STATH: variants seen among roughly 807,000 people sequenced by gnomAD.
STATH encodes the protein statherin.
A neutral mutation model predicts 13.3 loss-of-function variants in STATH; 11 were observed. That is an observed-to-expected ratio of 0.83 (90% CI 0.52 to 1.37). STATH has a LOEUF of 1.37. Among genes scored for constraint, STATH ranks in the 40% most tolerant of loss-of-function variants. The pLI, the probability that STATH is intolerant of heterozygous loss-of-function variation, is 0.00. For synonymous variants in STATH, 25 were observed against 23.6 expected, an observed-to-expected ratio of 1.06 and a Z score of -0.17; for missense variants, 78 against 73.3, an observed-to-expected ratio of 1.06 and a Z score of -0.24.
intron 5 of STATH, 48 bp from the exon 6 acceptor site, chr4:70,002,141 G>A (rs1303136338): frequency 6.6e-6 from 1 of 151,364 alleles, no homozygotes; most frequent in Non-Finnish European, 1.5e-5. Flanking sequence ...TGTGTTTACA[G>A]GGGTAAAAAT....
chr4:69,998,479 T>C lies in STATH; in HGVS notation c.42T>C (p.Val14=), dbSNP rs1462431560. ...TTGCCTTCATCTTGGCTCTCATGGT[T>C]TCCATGATTGTAAGTATATCAGGAC... ...LVFAFILALM[V]SMIGADSSEE... is the part of the protein sequence containing the mutation. The change falls in exon 2 of 6, where the codon GTT becomes GTC. Residue 14 remains valine, a synonymous_variant. Transcript: ENST00000246895. The C allele has an allele frequency of 6.2e-7, 1 of 1,612,436 alleles. No homozygotes were observed. Among genetic ancestry groups the C allele is most frequent in the East Asian group, 2.2e-5 (1 of 44,842 alleles).
At position 70,000,997 on chromosome 4, in the gene STATH, G is replaced by A. The variant is rs1190030580; in HGVS notation, c.*33+15G>A. ...TGATTATTGAGGTAAGATGGGTTTA[G>A]TGACATTTTTTTTACTTTCTGTATC... is the stretch of plus-strand genomic sequence containing the variant. On this transcript the variant is annotated intron_variant, in intron 5 of 5. Coordinates refer to ENST00000246895, the MANE Select transcript of STATH (RefSeq NM_003154.3). 3.2e-6 allele frequency: 5 copies of A among 1,553,608 alleles called. No individual in the cohort carries two copies. Among genetic ancestry groups the A allele is most frequent in the South Asian group, 2.2e-5 (2 of 89,780 alleles).
intron 2 of STATH, among the ~76,000 whole-genome samples, 168 bp from the exon 3 acceptor site, chr4:69,999,497 CTT>C (rs1236824399): frequency 1.3e-5 from 2 of 151,842 alleles, no homozygotes; most frequent in South Asian, 2.1e-4. Context: ...AAAGCATACT[CTT>C]AACTCATTTT....
chr4:70,000,739 G>T, intron 4 of STATH, 124 bp from the exon 5 acceptor site: 1 of 706,754 alleles, frequency 1.4e-6, no homozygotes, highest in Non-Finnish European at 2.4e-6. Flanking sequence ...TGAAAGTTTG[G>T]AAAAAAATCT....
intron 4 of STATH, 93 bp from the exon 5 acceptor site, chr4:70,000,770 C>A: frequency 1.1e-6 from 1 of 930,752 alleles, no homozygotes. Flanking sequence ...ATGTAAGTTC[C>A]TAAAACTTTA....
chr4:69,999,936 C>T (rs901316232), intron 4 of STATH, 127 bp downstream of exon 4: 2 of 1,086,990 alleles, frequency 1.8e-6, no homozygotes, highest in Middle Eastern at 3.0e-4. Flanking sequence ...CTTTGTTTTC[C>T]TCTATTTATG....
chr4:69,998,240 C>T lies in STATH; in HGVS notation c.-15-183C>T, dbSNP rs116281247. On this transcript the variant is annotated intron_variant, in intron 1 of 5. Transcript: ENST00000246895. ...GCCTTAGCATTTCCATATCAATACA[C>T]TCACTTTTACTTATCAGTGTCTCCA... 484 of 551,166 alleles carry T rather than the reference C, an allele frequency of 8.8e-4. 5 individuals are homozygous for T. The highest frequency in any genetic ancestry group is 8.1e-3 in the African/African-American group (428 of 53,078). 34.1% of individuals were successfully genotyped at this position (551,166 alleles called of 1,614,324 possible).
chr4:69,998,558 T>C (rs1461481360), intron 2 of STATH, 70 bp downstream of exon 2: 1 of 1,382,358 alleles, frequency 7.2e-7, no homozygotes, highest in Non-Finnish European at 1.0e-6. Context: ...ATTCCTTGTG[T>C]TCTGGCATAT....
In STATH at chr4:70,000,896, C is replaced by A. The variant is rs1177912083; in HGVS notation, c.136C>A (p.Gln46Lys). ...GYGPYQPVPEQPLYPQPYQPQ... is the reference protein window; with the variant it reads ...GYGPYQPVPEKPLYPQPYQPQ... Reference sequence around the variant, plus strand: ...TGGCCCTTATCAGCCAGTTCCAGAACAACCACTATACCCACAACCATACCA... The same window carrying A: ...TGGCCCTTATCAGCCAGTTCCAGAAAAACCACTATACCCACAACCATACCA... The change falls in exon 5 of 6, where the codon CAA becomes AAA. Residue 46 changes from glutamine (Q) to lysine (K), a missense_variant. Coordinates refer to ENST00000246895, the MANE Select transcript of STATH (RefSeq NM_003154.3). 1.3e-5 allele frequency: 21 copies of A among 1,611,694 alleles called. No homozygotes were observed. The highest frequency in any genetic ancestry group is 1.7e-5 in the Admixed American group (1 of 59,850).
chr4:69,996,253 G>A (rs1021734247), intron 1 of STATH, among the ~76,000 whole-genome samples: 2 of 152,036 alleles, frequency 1.3e-5, no homozygotes, highest in Non-Finnish European at 2.9e-5. Flanking sequence ...TGTGGAATAT[G>A]GAGACATATT....
intron 2 of STATH, 21 bp from the exon 3 acceptor site, chr4:69,999,646 T>A (rs1173476330): frequency 1.2e-6 from 2 of 1,607,186 alleles, no homozygotes; most frequent in Non-Finnish European, 8.5e-7. Context: ...CTAACTATTG[T>A]CTAATTTTCT....
intron 4 of STATH, 84 bp downstream of exon 4, chr4:69,999,893 T>C: frequency 6.7e-7 from 1 of 1,497,468 alleles, no homozygotes. Context: ...CAATACTTAT[T>C]TCTCAAATAT....
chr4:70,001,620 A>C (rs1356199276), intron 5 of STATH, among the ~76,000 whole-genome samples: 1 of 151,834 alleles, frequency 6.6e-6, no homozygotes, highest in Non-Finnish European at 1.5e-5. Flanking sequence ...AGTCAGTTTT[A>C]CCTATCTCTA....
intron 5 of STATH, among the ~76,000 whole-genome samples, chr4:70,001,858 T>C (rs1724679280): frequency 6.6e-6 from 1 of 151,738 alleles, no homozygotes. Context: ...TAATAGCTGA[T>C]GACATTTAAT....
intron 4 of STATH, chr4:70,000,213 CAGGTCATGATAAATGAGAT>C: frequency 5.6e-6 from 1 of 177,572 alleles, no homozygotes; most frequent in Middle Eastern, 2.7e-3. Flanking sequence ...TTAAATTAAA[CAGGTCATGATAAATGAGAT>C]AGCAAATTTC....
At chr4:69,996,468 C>A (rs1724506128) in intron 1 of STATH, among the ~76,000 whole-genome samples, 1 of 152,056 alleles carries the variant, frequency 6.6e-6, no homozygotes, top group Non-Finnish European at 1.5e-5. Flanking sequence ...GTAAACATTT[C>A]TCACTACCTT....
chr4:70,001,032 A>T, intron 5 of STATH, 50 bp downstream of exon 5: 4 of 1,307,364 alleles, frequency 3.1e-6, no homozygotes, highest in South Asian at 1.2e-5. Flanking sequence ...CAGTGCTGAC[A>T]GTTAAAAGAA....
At chr4:70,001,066 AC>A in intron 5 of STATH, 84 bp downstream of exon 5, 2 of 893,818 alleles carry the variant, frequency 2.2e-6, no homozygotes, top group Non-Finnish European at 3.7e-6. Flanking sequence ...AAGACATTAA[AC>A]CAACAGCAGT....
At chr4:69,998,359 A>G (rs1195921074) in intron 1 of STATH, 64 bp from the exon 2 acceptor site, 4 of 1,263,420 alleles carry the variant, frequency 3.2e-6, no homozygotes, top group Admixed American at 1.8e-5. Context: ...TAGTATAATC[A>G]ATAAACTTTT....
Sources: allele counts gnomAD v4.1 joint callset (sites outside exome capture counted in the v4.1 genomes callset), GRCh38; gene constraint gnomAD v4.1.1; transcripts MANE v1.5; gene names NCBI Gene and HGNC (gene_info 2026-07-23, HGNC 2026-07-21).